The following FBXO31 variants were observed in gnomAD, a reference collection of about 807,000 sequenced individuals.
The protein encoded by FBXO31 is F-box only protein 31.
A neutral mutation model predicts 54.4 loss-of-function variants in FBXO31; 24 were observed. The observed-to-expected ratio is 0.44, with a 90% CI of 0.32 to 0.62. FBXO31 has a LOEUF of 0.62. FBXO31 is among the 20% of genes least tolerant of loss of function. FBXO31 has a pLI of 0.05. For synonymous variants in FBXO31, 388 were observed against 335.6 expected, an observed-to-expected ratio of 1.16 and a Z score of -1.71; for missense variants, 665 against 787.1, an observed-to-expected ratio of 0.84 and a Z score of 1.86.
rs1290215609 is a variant in FBXO31 at position 87,335,333 on chromosome 16, C to A, written c.967G>T (p.Gly323Cys). ...GLEIVMLSFH[G>C]RRARGTKITG... ...ATCTTGGTGCCCCTGGCACGCCGGC[C>A]GTGGAAGCTGAGCATCACAATCTCC... Residue 323 changes from glycine to cysteine, a missense_variant, in exon 7 of 9, where the codon GGC (glycine) becomes TGC (cysteine). Gly to Cys is a radical substitution (Grantham distance 159, BLOSUM62 -3). Around this residue, in one of 4 missense-constraint regions of FBXO31, gnomAD observed 234 missense variants for 346.8 expected, o/e 0.67. Transcript: ENST00000311635. The surrounding 1 kb of genome is among the most constrained non-coding windows in gnomAD (Gnocchi z 5.7). 6.2e-7 allele frequency: 1 copy of A among 1,613,812 alleles called. No individual in the cohort carries two copies. The highest frequency in any genetic ancestry group is 8.5e-7 in the Non-Finnish European group (1 of 1,180,016).
At chr16:87,387,848 C>G (rs1415990208), upstream of FBXO31, among the ~76,000 whole-genome samples, 1 of 152,092 alleles carries the variant, frequency 6.6e-6, no homozygotes, top group Non-Finnish European at 1.5e-5. Context: ...TAACTGTATC[C>G]CAATGAGTTC....
At chr16:87,386,518 C>T (rs1481852604), upstream of FBXO31, among the ~76,000 whole-genome samples, 2 of 152,220 alleles carry the variant, frequency 1.3e-5, no homozygotes, top group African/African-American at 4.8e-5. Flanking sequence ...CTGCAGCCCC[C>T]GCCTCCCGGG....
chr16:87,345,211 G>T lies in FBXO31; in HGVS notation c.490-1446C>A, dbSNP rs1905332174. ...ACACCAGCACCGGATTTTCAACACAGCAAGAACGATGGCAACAGTGACACC... is the reference window on the plus strand; with the variant it reads ...ACACCAGCACCGGATTTTCAACACATCAAGAACGATGGCAACAGTGACACC... On this transcript the variant is annotated intron_variant, in intron 3 of 8. Transcript: ENST00000311635. This position sits in a 1 kb window ranked among gnomAD's most constrained non-coding sequence, Gnocchi z 4.9. Among the ~76,000 whole-genome samples, 1 of 152,168 alleles carries T rather than the reference G, an allele frequency of 6.6e-6. No homozygotes were observed. Among genetic ancestry groups the T allele is most frequent in the African/African-American group, 2.4e-5 (1 of 41,444 alleles).
At chr16:87,375,578 C>A (rs1906787542) in intron 1 of FBXO31, among the ~76,000 whole-genome samples, 1 of 152,182 alleles carries the variant, frequency 6.6e-6, no homozygotes, top group South Asian at 2.1e-4. Context: ...AACGACTAAC[C>A]AAAACAAGCC....
chr16:87,336,304 G>T lies in FBXO31; in HGVS notation c.733-40C>A, dbSNP rs751478793. Reference sequence around the variant, plus strand: ...CAGGTCATGAATATCCATATGACAGGAGGCTGTGAAGAGGCTGCCGGCTGT... The same window carrying T: ...CAGGTCATGAATATCCATATGACAGTAGGCTGTGAAGAGGCTGCCGGCTGT... On this transcript the variant is annotated intron_variant, in intron 5 of 8. Coordinates refer to ENST00000311635, the MANE Select transcript of FBXO31 (RefSeq NM_024735.5). The surrounding 1 kb of genome is among the most constrained non-coding windows in gnomAD (Gnocchi z 6.5). 2 of 1,592,156 alleles carry T rather than the reference G, an allele frequency of 1.3e-6. No individual in the cohort carries two copies. Among genetic ancestry groups the T allele is most frequent in the Non-Finnish European group, 1.7e-6 (2 of 1,162,090 alleles).
At chr16:87,347,508 G>A (rs1057031033) in intron 2 of FBXO31, among the ~76,000 whole-genome samples, 18 of 151,962 alleles carry the variant, frequency 1.2e-4, no homozygotes, top group Admixed American at 1.0e-3. Flanking sequence ...GTGAAACCCC[G>A]TCTCTACTAA....
In FBXO31 at chr16:87,327,866, T is replaced by C. The variant is rs537657669; in HGVS notation, c.*3422A>G. The C allele has an allele frequency of 1.3e-5, 2 of 152,228 alleles. No homozygotes were observed. The highest frequency in any genetic ancestry group is 2.4e-5 in the African/African-American group (1 of 41,520). 9.4% of individuals were successfully genotyped at this position (152,228 alleles called of 1,614,324 possible). A position where few individuals can be genotyped will look rare whatever the true frequency, so the allele number is the denominator to read the frequency against. ...GGTTCTATGAGCACATTCCCGTAAGTGTTCTTAAAAGTTACACCACGAAGG... is the reference window on the plus strand; with the variant it reads ...GGTTCTATGAGCACATTCCCGTAAGCGTTCTTAAAAGTTACACCACGAAGG... On this transcript the variant is annotated 3_prime_UTR_variant, in exon 9 of 9. Coordinates refer to ENST00000311635, the MANE Select transcript of FBXO31 (RefSeq NM_024735.5).
chr16:87,378,159 C>CAA (rs1171162528), intron 1 of FBXO31, among the ~76,000 whole-genome samples: 3 of 115,368 alleles, frequency 2.6e-5, no homozygotes, highest in African/African-American at 9.5e-5. Flanking sequence ...AACTCCATCT[C>CAA]AAAAAAAAAA....
At chr16:87,350,546 A>C (rs941720644) in intron 2 of FBXO31, among the ~76,000 whole-genome samples, 1 of 152,168 alleles carries the variant, frequency 6.6e-6, no homozygotes, top group Non-Finnish European at 1.5e-5. Context: ...ATGCACACTG[A>C]AGCATTTAGG....
In FBXO31 at chr16:87,342,911, G is replaced by A. The variant is rs1406627069; in HGVS notation, c.698C>T (p.Thr233Met). 5.6e-6 allele frequency: 9 copies of A among 1,607,850 alleles called. No homozygotes were observed. Among genetic ancestry groups the A allele is most frequent in the Non-Finnish European group, 6.8e-6 (8 of 1,177,412 alleles). Residue 233 changes from threonine (T) to methionine (M), a missense_variant, in exon 5 of 9, where the codon ACG (threonine) becomes ATG (methionine). Transcript: ENST00000311635. ...CCCGCCGGACATCCTGTGGTGGTCC[G>A]TCTGGTTGCACTTGGTGGAGAACTC... ...KDEFSTKCNQ[T>M]DHHRMSGGRQ... is the part of the protein sequence containing the mutation.
intron 7 of FBXO31, among the ~76,000 whole-genome samples, chr16:87,334,605 C>G (rs530542618): frequency 1.4e-4 from 21 of 152,342 alleles, no homozygotes; most frequent in African/African-American, 4.3e-4. Context: ...AGCTCGGGAG[C>G]CGAGCCCTGG....
rs1439918456 is a variant in FBXO31, at chr16:87,327,861, G to GTT, written c.*3426_*3427insAA. 6.6e-6 allele frequency: 1 copy of GTT among 152,092 alleles called. No individual in the cohort carries two copies. Among genetic ancestry groups the GTT allele is most frequent in the African/African-American group, 2.4e-5 (1 of 41,386 alleles). 9.4% of individuals were successfully genotyped at this position (152,092 alleles called of 1,614,324 possible). A position where few individuals can be genotyped will look rare whatever the true frequency, so the allele number is the denominator to read the frequency against. ...GTGATGGTTCTATGAGCACATTCCC[G>GTT]TAAGTGTTCTTAAAAGTTACACCAC... is the stretch of plus-strand genomic sequence containing the variant. On this transcript the variant is annotated 3_prime_UTR_variant, in exon 9 of 9. Transcript: ENST00000311635.
At chr16:87,344,291 G>C (rs1023733670) in intron 3 of FBXO31, among the ~76,000 whole-genome samples, 3 of 152,248 alleles carry the variant, frequency 2.0e-5, no homozygotes, top group Non-Finnish European at 2.9e-5. Context: ...CAAAACCGAA[G>C]TGCAGGGGAG....
intron 2 of FBXO31, among the ~76,000 whole-genome samples, chr16:87,347,978 C>A (rs542486811): frequency 6.6e-6 from 1 of 152,228 alleles, no homozygotes; most frequent in Admixed American, 6.5e-5. Flanking sequence ...TTCTCCATCC[C>A]GTTCCTTGCC....
chr16:87,349,724 TC>T (rs754062208), intron 2 of FBXO31, among the ~76,000 whole-genome samples: 56 of 121,078 alleles, frequency 4.6e-4, no homozygotes, highest in Non-Finnish European at 7.3e-4. Flanking sequence ...AAAAAAAAAA[TC>T]AACTGGATCA....
chr16:87,343,136 C>G (rs976169315), intron 4 of FBXO31, among the ~76,000 whole-genome samples, 185 bp from the exon 5 acceptor site: 2 of 152,240 alleles, frequency 1.3e-5, no homozygotes, highest in South Asian at 4.1e-4. Flanking sequence ...CAACACTCCC[C>G]CAAGAGCAGG....
chr16:87,385,474 G>T (rs1293674311), upstream of FBXO31, among the ~76,000 whole-genome samples: 1 of 141,046 alleles, frequency 7.1e-6, no homozygotes, highest in Non-Finnish European at 1.6e-5. Flanking sequence ...AAAAAAAAAT[G>T]GTTTCAACTA....
intron 1 of FBXO31, among the ~76,000 whole-genome samples, chr16:87,363,489 G>C (rs1056422780): frequency 6.6e-6 from 1 of 152,232 alleles, no homozygotes; most frequent in Non-Finnish European, 1.5e-5. Context: ...GCCTGCCAAG[G>C]AGGACCAAGG....
intron 4 of FBXO31, 142 bp from the exon 5 acceptor site, chr16:87,343,093 C>G: frequency 1.6e-6 from 1 of 644,576 alleles, no homozygotes; most frequent in South Asian, 2.0e-5. Flanking sequence ...GCGACCAACG[C>G]GGTGCCAGCG....
Sources: allele counts gnomAD v4.1 joint callset (sites outside exome capture counted in the v4.1 genomes callset), GRCh38; gene constraint gnomAD v4.1.1; regional missense constraint gnomAD v4.1.1; non-coding constraint Gnocchi (gnomAD v3.1); transcripts MANE v1.5; gene names NCBI Gene and HGNC (gene_info 2026-07-23, HGNC 2026-07-21).